Variants in SEC14L1 observed in about 807,000 individuals in gnomAD.
The protein encoded by SEC14L1 is SEC14 like lipid binding 1, also known as SEC14-like protein 1.
SEC14L1 carries 48 observed loss-of-function variants against 85.3 expected under a neutral mutation model. The ratio of observed to expected loss-of-function variants is 0.56; its 90% confidence interval spans 0.45 to 0.72. SEC14L1 has a LOEUF of 0.72. SEC14L1 is among the 30% of genes least tolerant of loss of function. The pLI is 0.00. For missense variants in SEC14L1, 682 were observed against 921.4 expected (o/e 0.74, Z 3.36); for synonymous variants, 391 against 355.5 (o/e 1.10, Z -1.12).
intron 3 of SEC14L1, among the ~76,000 whole-genome samples, chr17:77,126,348 G>A (rs1297473673): frequency 6.6e-6 from 1 of 152,224 alleles, no homozygotes; most frequent in Non-Finnish European, 1.5e-5. Context: ...GATACAACTG[G>A]TAGAAAATAG....
chr17:77,154,292 G>A (rs974448215), intron 3 of SEC14L1, among the ~76,000 whole-genome samples: 4 of 152,014 alleles, frequency 2.6e-5, no homozygotes, highest in Non-Finnish European at 4.4e-5. Flanking sequence ...GCAACTTAGC[G>A]AGACTCTGTC....
intron 3 of SEC14L1, among the ~76,000 whole-genome samples, chr17:77,100,320 A>G (rs978361514): frequency 1.3e-5 from 2 of 149,052 alleles, no homozygotes; most frequent in Admixed American, 6.7e-5. Flanking sequence ...AAAGGTGCCT[A>G]CCGCCCTGCG....
intron 3 of SEC14L1, among the ~76,000 whole-genome samples, chr17:77,168,386 G>T (rs77576418): frequency 0.15 from 22,155 of 152,194 alleles, 1,971 homozygotes; most frequent in Middle Eastern, 0.21. Flanking sequence ...TAGAGGAGGA[G>T]AGGTAGGGGA....
chr17:77,162,075 G>A (rs1974089746), intron 3 of SEC14L1, among the ~76,000 whole-genome samples: 1 of 152,020 alleles, frequency 6.6e-6, no homozygotes, highest in African/African-American at 2.4e-5. Context: ...GGTTCCCCAC[G>A]AACATGGGTG....
intron 3 of SEC14L1, among the ~76,000 whole-genome samples, chr17:77,110,397 G>T (rs1334299410): frequency 6.6e-6 from 1 of 152,194 alleles, no homozygotes; most frequent in East Asian, 1.9e-4. Context: ...CCTGGGTGAT[G>T]ATTGTTGATG....
intron 8 of SEC14L1, among the ~76,000 whole-genome samples, chr17:77,200,050 C>T (rs142858585): frequency 3.9e-5 from 6 of 152,150 alleles, no homozygotes; most frequent in African/African-American, 1.4e-4. Flanking sequence ...CCTGTGGTTC[C>T]AGCTGCTCAG....
At chr17:77,175,460 C>T (rs1477784617) in intron 3 of SEC14L1, among the ~76,000 whole-genome samples, 1 of 152,248 alleles carries the variant, frequency 6.6e-6, no homozygotes, top group Non-Finnish European at 1.5e-5. Context: ...AGGTTCATAA[C>T]TCAGGATTGC....
Position 77,142,012 on chromosome 17 carries a change from T to A in SEC14L1, c.-135-634T>A, listed in dbSNP as rs777067197. Among the ~76,000 whole-genome samples, 9 of 152,292 alleles carry A rather than the reference T, an allele frequency of 5.9e-5. No individual in the cohort carries two copies. In the South Asian group the frequency reaches 1.5e-3, roughly 25 times the overall value. On this transcript the variant is annotated intron_variant, in intron 1 of 16. Coordinates refer to ENST00000436233, the MANE Select transcript of SEC14L1 (RefSeq NM_001143998.2). ...AGATGAATATTAGAAAAGCTTCAAG[T>A]TGAGTTTGGAGAACTTGGGAGTTTG...
At chr17:77,165,981 T>C (rs896317729) in intron 3 of SEC14L1, among the ~76,000 whole-genome samples, 2 of 152,238 alleles carry the variant, frequency 1.3e-5, no homozygotes, top group African/African-American at 4.8e-5. Flanking sequence ...CTCCTCATCT[T>C]GTGCATAGCT....
chr17:77,127,586 G>A (rs566884491), intron 3 of SEC14L1, among the ~76,000 whole-genome samples: 1 of 152,176 alleles, frequency 6.6e-6, no homozygotes, highest in South Asian at 2.1e-4. Flanking sequence ...CCGACCACAG[G>A]TAATCCACCT....
chr17:77,128,614 A>G (rs1335837379), intron 3 of SEC14L1, among the ~76,000 whole-genome samples: 1 of 151,658 alleles, frequency 6.6e-6, no homozygotes, highest in African/African-American at 2.4e-5. Flanking sequence ...ACATGCCACC[A>G]GGCCTGGCTA....
At position 77,213,112 on chromosome 17, in the gene SEC14L1, C is replaced by T. The variant is rs1230919149; in HGVS notation, c.1864-202C>T. Among the ~76,000 whole-genome samples the T allele has an allele frequency of 6.6e-6, 1 of 152,208 alleles. No individual in the cohort carries two copies. Among genetic ancestry groups the T allele is most frequent in the Non-Finnish European group, 1.5e-5 (1 of 68,028 alleles). On this transcript the variant is annotated intron_variant, in intron 15 of 16. Transcript: ENST00000436233. The surrounding 1 kb of genome is among the most constrained non-coding windows in gnomAD (Gnocchi z 7.1). ...CTTGTCCCTCCGGGCTTCCCAGCAC[C>T]CGGGAGTGACCACACTCAGTAGAGG...
rs145598246 is a variant in SEC14L1 at position 77,200,969 on chromosome 17, C to T, written c.1009+296C>T. ...TCGGTGCAGTACAGTTTGTTTTGACCTATTAAAAAGACAGCAGTGCCTCTG... is the reference window on the plus strand; with the variant it reads ...TCGGTGCAGTACAGTTTGTTTTGACTTATTAAAAAGACAGCAGTGCCTCTG... On this transcript the variant is annotated intron_variant, in intron 9 of 16. Transcript: ENST00000436233. Among the ~76,000 whole-genome samples the T allele has an allele frequency of 6.9e-3, 1,048 of 152,314 alleles. 8 individuals are homozygous for T. Among genetic ancestry groups the T allele is most frequent in the African/African-American group, 0.024 (991 of 41,566 alleles).
At chr17:77,127,172 G>A (rs1294001091) in intron 3 of SEC14L1, among the ~76,000 whole-genome samples, 5 of 151,538 alleles carry the variant, frequency 3.3e-5, no homozygotes, top group African/African-American at 1.2e-4. Context: ...GTGTGTGATG[G>A]TCCCCTCTCT....
chr17:77,209,570 G>GTC, intron 14 of SEC14L1, 94 bp downstream of exon 14: 1 of 1,346,994 alleles, frequency 7.4e-7, no homozygotes, highest in Non-Finnish European at 1.0e-6. Context: ...ATTCAGAACA[G>GTC]TCCACTCGTT....
intron 3 of SEC14L1, among the ~76,000 whole-genome samples, chr17:77,107,246 C>T (rs1390619690): frequency 3.9e-5 from 6 of 152,300 alleles, no homozygotes; most frequent in Middle Eastern, 3.4e-3. Context: ...CTCCGGGGTC[C>T]AGGCTCCAGG....
chr17:77,208,596 C>T (rs1976584784), intron 13 of SEC14L1, among the ~76,000 whole-genome samples: 1 of 152,204 alleles, frequency 6.6e-6, no homozygotes, highest in South Asian at 2.1e-4. Context: ...GTTGTTCCCT[C>T]CTGCTCTCTG....
At chr17:77,090,666 G>A (rs1461543674) in intron 2 of SEC14L1, among the ~76,000 whole-genome samples, 1 of 151,976 alleles carries the variant, frequency 6.6e-6, no homozygotes, top group Non-Finnish European at 1.5e-5. Flanking sequence ...AGCCCAGAAA[G>A]CAAAGTGGAG....
chr17:77,213,403 G>C lies in SEC14L1; in HGVS notation c.1953G>C (p.Arg651=), dbSNP rs1028702108. The C allele has an allele frequency of 5.0e-6, 8 of 1,613,312 alleles. No homozygotes were observed. In the African/African-American group the frequency reaches 1.1e-4, roughly 22 times the overall value. ...CGTGCGCCGCCAGCAGCCTTCCCCG[G>C]GTGGACGACGTGCTTGCGTCCCTGC... is the stretch of plus-strand genomic sequence containing the variant. ...MPACAASSLP[R]VDDVLASLQV... is the part of the protein sequence containing the mutation. Residue 651 remains arginine, a synonymous_variant, in exon 16 of 17, where the codon CGG becomes CGC. Coordinates refer to ENST00000436233, the MANE Select transcript of SEC14L1 (RefSeq NM_001143998.2). This position sits in a 1 kb window ranked among gnomAD's most constrained non-coding sequence, Gnocchi z 7.1.
Sources: gnomAD v4.1 joint callset for allele counts (sites outside exome capture counted in the v4.1 genomes callset) on GRCh38, gnomAD v4.1.1 for gene constraint, Gnocchi (gnomAD v3.1) non-coding constraint, MANE v1.5 for transcripts, NCBI Gene and HGNC (gene_info 2026-07-23, HGNC 2026-07-21) for gene names.